XXYLT1: variants seen among roughly 807,000 people sequenced by gnomAD.
XXYLT1 encodes UDP-xylose:alpha-xyloside alpha-1,3-xylosyltransferase.
In XXYLT1, 20 loss-of-function variants were observed where a neutral mutation model predicts 28.9. The ratio of observed to expected loss-of-function variants is 0.69; its 90% CI spans 0.49 to 1.00. XXYLT1 has a LOEUF of 1.00. XXYLT1 is among the 50% of genes least tolerant of loss of function. XXYLT1 has a pLI of 0.00. For synonymous variants in XXYLT1, 257 were observed against 253.8 expected, an observed-to-expected ratio of 1.01 and a Z score of -0.12; for missense variants, 542 against 560.1, an observed-to-expected ratio of 0.97 and a Z score of 0.33.
rs376051969 is a variant in XXYLT1 at position 195,220,382 on chromosome 3, G to A, written c.652+6327C>T. 1.1e-4 allele frequency among the ~76,000 whole-genome samples: 16 copies of A among 152,314 alleles called. 1 individual carries two copies. The highest frequency in any genetic ancestry group is 3.8e-4 in the African/African-American group (16 of 41,574). On this transcript the variant is annotated intron_variant, in intron 2 of 3. Coordinates refer to ENST00000310380, the MANE Select transcript of XXYLT1 (RefSeq NM_152531.5). ...TGGTATCGAACTCCTGACCTCAGAT[G>A]ATCCGCCCGCCTCGGTCTCCCAAAG...
rs558289131 is a variant in XXYLT1 at position 195,241,749 on chromosome 3, A to AT, written c.505-14894dup. Among the ~76,000 whole-genome samples, 561 of 151,832 alleles carry AT rather than the reference A, an allele frequency of 3.7e-3. 3 individuals carry two copies. The highest frequency in any genetic ancestry group is 3.9e-3 in the Non-Finnish European group (263 of 67,916). ...ATCAGTTCAAACGTCACCTCCAGAG[A>AT]TTTTCCCTCACCAAAAAAGTAGCTA... On this transcript the variant is annotated intron_variant, in intron 1 of 3. Transcript: ENST00000310380.
chr3:195,095,251 C>G (rs1716363063), intron 3 of XXYLT1: 1 of 153,320 alleles, frequency 6.5e-6, no homozygotes, highest in African/African-American at 2.4e-5. Flanking sequence ...GCAGCGTGCA[C>G]TCGCAAATGC....
intron 2 of XXYLT1, among the ~76,000 whole-genome samples, chr3:195,200,286 A>C (rs1318888838): frequency 6.6e-6 from 1 of 152,208 alleles, no homozygotes; most frequent in East Asian, 1.9e-4. Flanking sequence ...CTCCAGCTCT[A>C]ACCAGCCAGC....
chr3:195,202,095 T>C (rs1229092319), intron 2 of XXYLT1, among the ~76,000 whole-genome samples: 3 of 152,130 alleles, frequency 2.0e-5, no homozygotes, highest in Admixed American at 6.5e-5. Flanking sequence ...GAGAATTGCT[T>C]GAACCTGGGA....
chr3:195,079,211 T>C (rs1181932505), intron 3 of XXYLT1, among the ~76,000 whole-genome samples: 1 of 152,020 alleles, frequency 6.6e-6, no homozygotes, highest in Non-Finnish European at 1.5e-5. Context: ...ACAGTGACCT[T>C]GGAGAAGGAG....
intron 3 of XXYLT1, among the ~76,000 whole-genome samples, chr3:195,151,286 G>A (rs1332974587): frequency 6.6e-6 from 1 of 152,174 alleles, no homozygotes; most frequent in East Asian, 1.9e-4. Flanking sequence ...GCTCATACCT[G>A]TCATCCCAGT....
At chr3:195,204,979 GA>G (rs1414665088) in intron 2 of XXYLT1, among the ~76,000 whole-genome samples, 2 of 152,198 alleles carry the variant, frequency 1.3e-5, no homozygotes, top group Admixed American at 6.5e-5. Flanking sequence ...CCCCAGTTGC[GA>G]AGTCAGAAAA....
chr3:195,146,720 CT>C (rs1560119038), intron 3 of XXYLT1: 1 of 152,384 alleles, frequency 6.6e-6, no homozygotes, highest in Non-Finnish European at 1.5e-5. Context: ...TGTTTGGTTT[CT>C]TTTTTTAGAG....
At chr3:195,270,495 T>C in intron 1 of XXYLT1, 60 bp downstream of exon 1, 1 of 1,349,190 alleles carries the variant, frequency 7.4e-7, no homozygotes, top group Non-Finnish European at 9.5e-7. Flanking sequence ...GAGCGCAAAC[T>C]GACCTCGCCT....
chr3:195,256,361 A>G lies in XXYLT1; in HGVS notation c.504+14194T>C, dbSNP rs1725477746. The G allele has an allele frequency of 2.0e-6, 1 of 492,380 alleles. No individual in the cohort carries two copies. Among genetic ancestry groups the G allele is most frequent in the Admixed American group, 6.4e-5 (1 of 15,688 alleles). The allele number at this position is 492,380 out of a possible 1,614,324, so 30.5% of individuals were successfully genotyped here. On this transcript the variant is annotated intron_variant, in intron 1 of 3. Transcript: ENST00000310380. The surrounding 1 kb of genome is among the most constrained non-coding windows in gnomAD (Gnocchi z 4.2). ...ACTGTGGCTCATTGACGGTGACGATAAACCTGAGACAGCTCTGGTCATTCC... is the reference window on the plus strand; with the variant it reads ...ACTGTGGCTCATTGACGGTGACGATGAACCTGAGACAGCTCTGGTCATTCC...
intron 2 of XXYLT1, among the ~76,000 whole-genome samples, chr3:195,158,028 T>C (rs1187242622): frequency 6.6e-6 from 1 of 152,180 alleles, no homozygotes; most frequent in African/African-American, 2.4e-5. Flanking sequence ...TGGCCAAATG[T>C]AGAATTTGTG....
At chr3:195,221,101 C>T (rs1019019611) in intron 2 of XXYLT1, among the ~76,000 whole-genome samples, 7 of 152,170 alleles carry the variant, frequency 4.6e-5, no homozygotes, top group African/African-American at 1.7e-4. Flanking sequence ...AAACCCGTAA[C>T]CTCAGTCTAA....
intron 1 of XXYLT1, among the ~76,000 whole-genome samples, chr3:195,241,827 ACAC>A (rs1462575503): frequency 6.6e-6 from 1 of 151,926 alleles, no homozygotes; most frequent in African/African-American, 2.4e-5. Flanking sequence ...ACACACATGC[ACAC>A]AACATACACA....
chr3:195,146,430 C>A (rs761026537), intron 3 of XXYLT1, among the ~76,000 whole-genome samples: 1 of 152,236 alleles, frequency 6.6e-6, no homozygotes, highest in African/African-American at 2.4e-5. Context: ...GCCCATCATC[C>A]GCCGCTGTGC....
chr3:195,159,952 C>T (rs1222858743), intron 2 of XXYLT1, among the ~76,000 whole-genome samples: 2 of 152,128 alleles, frequency 1.3e-5, no homozygotes, highest in African/African-American at 4.8e-5. Context: ...CATTTCCCTC[C>T]CAGGACATGC....
At chr3:195,250,582 A>G (rs1725213716) in intron 1 of XXYLT1, among the ~76,000 whole-genome samples, 3 of 150,472 alleles carry the variant, frequency 2.0e-5, no homozygotes, top group Non-Finnish European at 3.0e-5. Context: ...AAAAAAAAAC[A>G]CTGCAACCAC....
chr3:195,201,299 T>G (rs778107082), intron 2 of XXYLT1, among the ~76,000 whole-genome samples: 2 of 152,154 alleles, frequency 1.3e-5, no homozygotes, highest in African/African-American at 4.8e-5. Flanking sequence ...GGAAGGGCCC[T>G]TGCTCCCAGC....
chr3:195,112,527 CAG>C (rs1560102739), intron 3 of XXYLT1, among the ~76,000 whole-genome samples: 1 of 141,316 alleles, frequency 7.1e-6, no homozygotes, highest in Non-Finnish European at 1.6e-5. Context: ...CACACACACA[CAG>C]AGCCCCCAGC....
chr3:195,074,392 G>A (rs975692681), intron 3 of XXYLT1, among the ~76,000 whole-genome samples: 5 of 152,238 alleles, frequency 3.3e-5, no homozygotes, highest in African/African-American at 9.6e-5. Flanking sequence ...GGAAGCACCC[G>A]GCCCAGAGGC....
Sources: allele counts gnomAD v4.1 joint callset (sites outside exome capture counted in the v4.1 genomes callset), GRCh38; gene constraint gnomAD v4.1.1; non-coding constraint Gnocchi (gnomAD v3.1); transcripts MANE v1.5; gene names NCBI Gene and HGNC (gene_info 2026-07-23, HGNC 2026-07-21).